Variants in BOC observed in about 807,000 individuals in gnomAD.
BOC encodes brother of CDO.
In BOC, 76 loss-of-function variants were observed where a neutral mutation model predicts 112.0. The ratio of observed to expected loss-of-function variants is 0.68; its 90% CI spans 0.56 to 0.82. The LOEUF (loss-of-function observed/expected upper bound fraction) is 0.82, where lower values mean the gene tolerates loss of function less well. BOC is among the 40% of genes least tolerant of loss of function. The pLI is 0.00. For synonymous variants in BOC, 580 were observed against 599.8 expected, an observed-to-expected ratio of 0.97 and a Z score of 0.48; for missense variants, 1,309 against 1,511.7, an observed-to-expected ratio of 0.87 and a Z score of 2.22.
Position 113,286,538 on chromosome 3 carries a change from C to T in BOC, c.3161-137C>T, listed in dbSNP as rs542283054. On this transcript the variant is annotated intron_variant, in intron 19 of 19. Coordinates refer to ENST00000682979, the MANE Select transcript of BOC (RefSeq NM_001378074.1). The stretch of plus-strand genomic sequence containing the variant: ...TTGGAGGGAACAGAAGTGCCCTTGT[C>T]TCGGTTGTAGGTTTCTGTCCCCTTT... 5.6e-4 allele frequency: 437 copies of T among 784,646 alleles called. 5 individuals are homozygous for T. In the South Asian group the frequency reaches 0.011, roughly 19 times the overall value. 48.6% of individuals were successfully genotyped at this position (784,646 alleles called of 1,614,324 possible).
chr3:113,263,572 T>C (rs890959072), intron 4 of BOC, among the ~76,000 whole-genome samples: 6 of 152,224 alleles, frequency 3.9e-5, no homozygotes, highest in African/African-American at 1.4e-4. Flanking sequence ...GTTTATGGAT[T>C]ACACCTGGGG....
chr3:113,248,102 G>A (rs1350025305), intron 2 of BOC, among the ~76,000 whole-genome samples: 1 of 152,172 alleles, frequency 6.6e-6, no homozygotes. Flanking sequence ...CAGAATGCTA[G>A]GGGCTGGGGT....
chr3:113,246,391 C>G (rs1009033201), intron 2 of BOC, among the ~76,000 whole-genome samples: 10 of 152,110 alleles, frequency 6.6e-5, no homozygotes, highest in African/African-American at 2.4e-4. Flanking sequence ...TTGCCTTCAC[C>G]CAACTTTGAA....
rs1365446876 is a variant in BOC at position 113,280,559 on chromosome 3, A to G, written c.2207A>G (p.Tyr736Cys). Reference sequence around the variant, plus strand: ...TTGTTTCTTCTCCATTCCCTATAGTACATCCCAGCAAGTAACAACAACACC... The same window carrying G: ...TTGTTTCTTCTCCATTCCCTATAGTGCATCCCAGCAAGTAACAACAACACC... ...NETTIMLKWMYIPASNNNTPI... is the reference protein window; with the variant it reads ...NETTIMLKWMCIPASNNNTPI... The change falls in exon 14 of 20, where the codon TAC (tyrosine) becomes TGC (cysteine). Residue 736 changes from tyrosine to cysteine, a missense_variant and splice_region_variant. By Grantham distance (194) the Tyr-to-Cys change is radical (BLOSUM62 -2). Coordinates refer to ENST00000682979, the MANE Select transcript of BOC (RefSeq NM_001378074.1). 2 of 1,598,032 alleles carry G rather than the reference A, an allele frequency of 1.3e-6. No individual in the cohort carries two copies. The highest frequency in any genetic ancestry group is 1.7e-5 in the Admixed American group (1 of 59,984).
At chr3:113,247,500 G>GAAAAAA (rs58781225) in intron 2 of BOC, among the ~76,000 whole-genome samples, 3,111 of 125,596 alleles carry the variant, frequency 0.025, 58 homozygotes, top group Middle Eastern at 0.054. Context: ...GCCCTGATAG[G>GAAAAAA]AAAAAAAAAA....
intron 17 of BOC, 48 bp from the exon 18 acceptor site, chr3:113,284,734 A>C (rs1203352156): frequency 1.3e-6 from 2 of 1,579,236 alleles, no homozygotes; most frequent in Non-Finnish European, 1.7e-6. Flanking sequence ...CTGGAAAGTT[A>C]CCTGGACTCC....
In BOC at chr3:113,273,278, T is replaced by C; in HGVS notation, c.1171T>C (p.Cys391Arg). The C allele has an allele frequency of 6.2e-7, 1 of 1,609,170 alleles. No individual in the cohort carries two copies. Among genetic ancestry groups the C allele is most frequent in the East Asian group, 2.2e-5 (1 of 44,722 alleles). The change falls in exon 8 of 20, where the codon TGC becomes CGC. Residue 391 changes from cysteine (C) to arginine (R), a missense_variant. Transcript: ENST00000682979. ...MGPEDEGVYQ[C>R]MAENEVGSAH... Reference sequence around the variant, plus strand: ...GCCTGAGGACGAAGGCGTCTACCAGTGCATGGCCGAGAACGAGGTTGGGAG... The same window carrying C: ...GCCTGAGGACGAAGGCGTCTACCAGCGCATGGCCGAGAACGAGGTTGGGAG...
chr3:113,261,002 T>G (rs1946814323), intron 4 of BOC, among the ~76,000 whole-genome samples: 1 of 152,114 alleles, frequency 6.6e-6, no homozygotes. Context: ...TCCTCACATA[T>G]ACCTCAAGGG....
intron 6 of BOC, 39 bp from the exon 7 acceptor site, chr3:113,272,371 T>A (rs1476990854): frequency 6.3e-7 from 1 of 1,598,784 alleles, no homozygotes; most frequent in East Asian, 2.2e-5. Flanking sequence ...GACATCCTGG[T>A]CCACACGCCT....
At chr3:113,259,972 AAG>A (rs1354039974) in intron 4 of BOC, among the ~76,000 whole-genome samples, 1 of 152,176 alleles carries the variant, frequency 6.6e-6, no homozygotes, top group Non-Finnish European at 1.5e-5. Flanking sequence ...CTCAGTTTTC[AAG>A]ACTCAGGTAT....
At chr3:113,260,712 CAGAACAGAA>C (rs1404688110) in intron 4 of BOC, among the ~76,000 whole-genome samples, 191 of 107,076 alleles carry the variant, frequency 1.8e-3, no homozygotes, top group African/African-American at 6.3e-3. Context: ...CAGAACAGAA[CAGAACAGAA>C]AGAACAGAAC....
chr3:113,260,119 A>G (rs1946659981), intron 4 of BOC, among the ~76,000 whole-genome samples: 1 of 152,070 alleles, frequency 6.6e-6, no homozygotes, highest in Admixed American at 6.5e-5. Context: ...AACTGTTATT[A>G]TGCATCTGTG....
At chr3:113,245,767 CTT>C (rs1182376633) in intron 2 of BOC, among the ~76,000 whole-genome samples, 4 of 152,224 alleles carry the variant, frequency 2.6e-5, no homozygotes, top group East Asian at 3.8e-4. Context: ...AAGAAAGTCT[CTT>C]TGTGCTATCT....
At chr3:113,256,252 G>T (rs537019198) in intron 4 of BOC, among the ~76,000 whole-genome samples, 1 of 152,322 alleles carries the variant, frequency 6.6e-6, no homozygotes, top group South Asian at 2.1e-4. Flanking sequence ...GGGTGGCAGA[G>T]CTTCCAGTCA....
Position 113,283,437 on chromosome 3 carries a change from C to G in BOC, c.2461C>G (p.Arg821Gly). 1 of 1,608,058 alleles carries G rather than the reference C, an allele frequency of 6.2e-7. No homozygotes were observed. Among genetic ancestry groups the G allele is most frequent in the Non-Finnish European group, 8.5e-7 (1 of 1,174,998 alleles). Residue 821 changes from arginine to glycine, a missense_variant, in exon 16 of 20, where the codon CGA becomes GGA. By Grantham distance (125) the Arg-to-Gly change is moderately radical. Coordinates refer to ENST00000682979, the MANE Select transcript of BOC (RefSeq NM_001378074.1). The stretch of plus-strand genomic sequence containing the variant: ...TCGGAAGTCTTCTGGCCAGCCTGGT[C>G]GACTGCCACCCCCAACTCTGGCCCC... ...KARKSSGQPG[R>G]LPPPTLAPPQ... is the part of the protein sequence containing the mutation.
intron 2 of BOC, among the ~76,000 whole-genome samples, chr3:113,242,215 C>G (rs1437172236): frequency 6.6e-6 from 1 of 151,764 alleles, no homozygotes; most frequent in Non-Finnish European, 1.5e-5. Context: ...TTATATGAAA[C>G]AGGAGTGGGG....
chr3:113,233,151 GTGTGT>G (rs1559816866), intron 2 of BOC, among the ~76,000 whole-genome samples: 52 of 81,312 alleles, frequency 6.4e-4, no homozygotes, highest in African/African-American at 2.2e-3. Context: ...GGATTGGGGT[GTGTGT>G]GTGTGTGTGT....
intron 2 of BOC, among the ~76,000 whole-genome samples, chr3:113,229,503 C>G (rs1294048078): frequency 1.3e-5 from 2 of 152,208 alleles, no homozygotes; most frequent in African/African-American, 2.4e-5. Flanking sequence ...GCTCAGGGAC[C>G]TGTTTGTCAC....
At chr3:113,217,381 G>A (rs777718058) in intron 2 of BOC, among the ~76,000 whole-genome samples, 4 of 152,150 alleles carry the variant, frequency 2.6e-5, no homozygotes, top group Non-Finnish European at 5.9e-5. Context: ...ACAAAAATTA[G>A]CCAGGCGTGG....
Sources: allele counts gnomAD v4.1 joint callset (sites outside exome capture counted in the v4.1 genomes callset), GRCh38; gene constraint gnomAD v4.1.1; transcripts MANE v1.5; gene names NCBI Gene and HGNC (gene_info 2026-07-23, HGNC 2026-07-21).